The following PLAAT1 variants were observed in gnomAD, a reference collection of about 807,000 sequenced individuals.
PLAAT1 encodes H-REV107 protein-related protein.
PLAAT1 carries 13 observed loss-of-function variants against 16.4 expected under a neutral mutation model. The ratio of observed to expected loss-of-function variants is 0.79; its 90% CI spans 0.52 to 1.26. The LOEUF (loss-of-function observed/expected upper bound fraction) is 1.26. Among genes scored for constraint, PLAAT1 ranks in the 50% most tolerant of loss-of-function variants. The probability of loss-of-function intolerance (pLI) is 0.00; values close to 1 mark genes in which losing one functional copy is unlikely to be tolerated. For missense variants in PLAAT1, 218 were observed against 207.8 expected, an observed-to-expected ratio of 1.05 and a Z score of -0.30; for synonymous variants, 73 against 78.4, an observed-to-expected ratio of 0.93 and a Z score of 0.36.
downstream of PLAAT1, among the ~76,000 whole-genome samples, chr3:193,278,961 C>A (rs189325858): frequency 1.3e-5 from 2 of 152,274 alleles, no homozygotes; most frequent in Admixed American, 1.3e-4. Flanking sequence ...TAGTCAATAT[C>A]TGACAAAACA....
chr3:193,245,278 G>C (rs555731162), intron 1 of PLAAT1, among the ~76,000 whole-genome samples: 1 of 151,958 alleles, frequency 6.6e-6, no homozygotes, highest in South Asian at 2.1e-4. Context: ...GATTTCACAC[G>C]TGAGATCATA....
intron 1 of PLAAT1, 135 bp downstream of exon 1, chr3:193,241,668 G>GAGTTCCCCAGTCT: frequency 5.4e-6 from 3 of 550,626 alleles, no homozygotes; most frequent in Non-Finnish European, 8.2e-6. Flanking sequence ...TTCACAGACT[G>GAGTTCCCCAGTCT]GGGAACTCAG....
chr3:193,257,564 C>G (rs575041970), intron 2 of PLAAT1, among the ~76,000 whole-genome samples: 2 of 152,046 alleles, frequency 1.3e-5, no homozygotes, highest in Non-Finnish European at 2.9e-5. Context: ...GAAGATTTCT[C>G]AAAACTATAC....
At chr3:193,261,180 CA>C (rs1368167205) in intron 2 of PLAAT1, among the ~76,000 whole-genome samples, 1 of 151,922 alleles carries the variant, frequency 6.6e-6, no homozygotes, top group Non-Finnish European at 1.5e-5. Context: ...CCAGCCTGGC[CA>C]ACATGACGAA....
downstream of PLAAT1, among the ~76,000 whole-genome samples, chr3:193,271,497 A>T (rs1716980449): frequency 1.3e-5 from 2 of 152,204 alleles, no homozygotes; most frequent in Non-Finnish European, 2.9e-5. Flanking sequence ...CAAGCCAAGG[A>T]ATGTCATAAT....
chr3:193,275,471 T>C (rs1717152604), downstream of PLAAT1, among the ~76,000 whole-genome samples: 1 of 152,214 alleles, frequency 6.6e-6, no homozygotes, highest in South Asian at 2.1e-4. Flanking sequence ...CTTAAGAAGC[T>C]AGAGGGTGCT....
chr3:193,261,348 AC>A (rs1716578164), intron 2 of PLAAT1, among the ~76,000 whole-genome samples: 1 of 152,106 alleles, frequency 6.6e-6, no homozygotes, highest in African/African-American at 2.4e-5. Context: ...AGCCTGGGCA[AC>A]AAAGCAAGAC....
chr3:193,274,670 C>A (rs775430513), downstream of PLAAT1: 57 of 198,796 alleles, frequency 2.9e-4, no homozygotes, highest in Non-Finnish European at 4.4e-4. Flanking sequence ...AAACTTGTGA[C>A]AACTAATAGT....
intron 1 of PLAAT1, among the ~76,000 whole-genome samples, chr3:193,251,598 T>C (rs1172375465): frequency 6.6e-6 from 1 of 152,138 alleles, no homozygotes; most frequent in East Asian, 1.9e-4. Flanking sequence ...CCAAGCCCTT[T>C]TAAAGGGATG....
chr3:193,265,188 T>C, intron 3 of PLAAT1, among the ~76,000 whole-genome samples: 1 of 152,214 alleles, frequency 6.6e-6, no homozygotes, highest in South Asian at 2.1e-4. Context: ...CATGTCCACG[T>C]GGAAACCTGC....
intron 3 of PLAAT1, among the ~76,000 whole-genome samples, chr3:193,264,589 C>T (rs747705777): frequency 1.1e-4 from 17 of 151,940 alleles, no homozygotes; most frequent in African/African-American, 2.4e-4. Context: ...CTGCAACCTC[C>T]GCCTCCTGGG....
At chr3:193,257,182 T>C (rs1253492492) in intron 2 of PLAAT1, among the ~76,000 whole-genome samples, 1 of 152,132 alleles carries the variant, frequency 6.6e-6, no homozygotes, top group Non-Finnish European at 1.5e-5. Context: ...TAACTACCTG[T>C]TACAGTTAAA....
At position 193,263,025 on chromosome 3, in the gene PLAAT1, G is replaced by A. The variant is rs760806425; in HGVS notation, c.195G>A (p.Leu65=). ...AGTCTGTATTCAGCAGTAAGGCCCTGGTGAAAATGCAGCTCTTGAAGGATG... is the reference window on the plus strand; with the variant it reads ...AGTCTGTATTCAGCAGTAAGGCCCTAGTGAAAATGCAGCTCTTGAAGGATG... The part of the protein sequence containing the change: ...SAKSVFSSKA[L]VKMQLLKDVV... Residue 65 remains leucine, a synonymous_variant, in exon 3 of 4, where the codon CTG becomes CTA. Coordinates refer to ENST00000264735, the MANE Select transcript of PLAAT1 (RefSeq NM_020386.5). The A allele has an allele frequency of 1.2e-6, 2 of 1,614,122 alleles. No individual in the cohort carries two copies. The highest frequency in any genetic ancestry group is 2.2e-5 in the South Asian group (2 of 91,076).
intron 1 of PLAAT1, 151 bp from the exon 2 acceptor site, chr3:193,255,500 T>G: frequency 4.4e-6 from 3 of 687,066 alleles, no homozygotes; most frequent in Non-Finnish European, 6.8e-6. Context: ...TTGGAATCAT[T>G]CAAAGAAAAG....
At chr3:193,249,686 C>G (rs1419747372) in intron 1 of PLAAT1, among the ~76,000 whole-genome samples, 1 of 151,926 alleles carries the variant, frequency 6.6e-6, no homozygotes, top group Non-Finnish European at 1.5e-5. Flanking sequence ...CACTCTTTTT[C>G]ATTCTTTTTT....
At chr3:193,252,123 AG>A (rs1188467998) in intron 1 of PLAAT1, among the ~76,000 whole-genome samples, 3 of 152,176 alleles carry the variant, frequency 2.0e-5, no homozygotes, top group Admixed American at 2.0e-4. Flanking sequence ...TGAGGGTCTC[AG>A]GAAGCTTACA....
In PLAAT1 at chr3:193,241,400, G is replaced by A; in HGVS notation, c.-134G>A. ...AGTGATGGCTGGCGCCTGCCTCCCG[G>A]GTGTCTCCCGGGTACAGATGGAGTC... On this transcript the variant is annotated 5_prime_UTR_variant, in exon 1 of 4. Transcript: ENST00000264735. The A allele has an allele frequency of 3.2e-6, 4 of 1,231,780 alleles. No individual in the cohort carries two copies. Among genetic ancestry groups the A allele is most frequent in the Non-Finnish European group, 4.0e-6 (4 of 988,028 alleles). The allele number at this position is 1,231,780 out of a possible 1,614,324, so 76.3% of individuals were successfully genotyped here. A position where few individuals can be genotyped will look rare whatever the true frequency, so the allele number is the denominator to read the frequency against.
At chr3:193,272,856 C>T (rs1367040002), downstream of PLAAT1, among the ~76,000 whole-genome samples, 2 of 152,118 alleles carry the variant, frequency 1.3e-5, no homozygotes, top group Non-Finnish European at 2.9e-5. Context: ...ACTGGTTACT[C>T]TTGATGATGG....
At chr3:193,272,957 A>G (rs891799767), downstream of PLAAT1, among the ~76,000 whole-genome samples, 2 of 152,218 alleles carry the variant, frequency 1.3e-5, no homozygotes, top group African/African-American at 4.8e-5. Flanking sequence ...TCCCAAGACT[A>G]TTAAACCTTT....
Sources: allele counts gnomAD v4.1 joint callset (sites outside exome capture counted in the v4.1 genomes callset), GRCh38; gene constraint gnomAD v4.1.1; transcripts MANE v1.5; gene names NCBI Gene and HGNC (gene_info 2026-07-23, HGNC 2026-07-21).